Variants in CADPS2 observed in about 807,000 individuals in gnomAD.
CADPS2 encodes the protein calcium dependent secretion activator 2.
CADPS2 carries 93 observed loss-of-function variants against 172.5 expected under a neutral mutation model. The observed-to-expected ratio is 0.54, with a 90% CI of 0.46 to 0.64. CADPS2 has a LOEUF of 0.64. Ranked by LOEUF, CADPS2 falls within the 30% of genes least tolerant of loss-of-function variation. The pLI is 0.00. For missense variants in CADPS2, 1,420 were observed against 1,565.9 expected (o/e 0.91, Z 1.57); for synonymous variants, 546 against 555.2 (o/e 0.98, Z 0.23).
intron 2 of CADPS2, among the ~76,000 whole-genome samples, chr7:122,710,578 G>A (rs1564141680): frequency 2.0e-5 from 3 of 152,022 alleles, no homozygotes; most frequent in Admixed American, 6.6e-5. Flanking sequence ...TTTGTAAATC[G>A]CCAAGCACAC....
intron 8 of CADPS2, among the ~76,000 whole-genome samples, chr7:122,530,299 C>T (rs1432342246): frequency 6.7e-6 from 1 of 148,370 alleles, no homozygotes; most frequent in Admixed American, 6.7e-5. Flanking sequence ...AAGGTTTCCA[C>T]TTAGGCTTAA....
At chr7:122,607,724 A>G (rs2073766279) in intron 6 of CADPS2, among the ~76,000 whole-genome samples, 1 of 152,132 alleles carries the variant, frequency 6.6e-6, no homozygotes. Flanking sequence ...TTCTCAATGA[A>G]TGTAAATTTC....
chr7:122,387,848 A>G (rs1387848013), intron 23 of CADPS2, among the ~76,000 whole-genome samples: 2 of 149,644 alleles, frequency 1.3e-5, no homozygotes, highest in Non-Finnish European at 3.0e-5. Context: ...TTAAGGGGCC[A>G]CTGAACATTA....
At chr7:122,853,342 C>T (rs1814226579) in intron 1 of CADPS2, among the ~76,000 whole-genome samples, 1 of 152,188 alleles carries the variant, frequency 6.6e-6, no homozygotes. Flanking sequence ...CTCCATGGTT[C>T]CAATTACCCC....
At chr7:122,669,018 T>C (rs948833576) in intron 2 of CADPS2, among the ~76,000 whole-genome samples, 1 of 152,154 alleles carries the variant, frequency 6.6e-6, no homozygotes, top group Non-Finnish European at 1.5e-5. Context: ...ACAGAGCCTG[T>C]CCTTTAGTGA....
intron 1 of CADPS2, among the ~76,000 whole-genome samples, chr7:122,879,894 C>T (rs1342476796): frequency 6.6e-6 from 1 of 152,226 alleles, no homozygotes; most frequent in Admixed American, 6.5e-5. Flanking sequence ...AAAATAGAAG[C>T]TTTTCCTTAC....
At chr7:122,359,852 A>C (rs1443655911) in intron 27 of CADPS2, among the ~76,000 whole-genome samples, 1 of 152,182 alleles carries the variant, frequency 6.6e-6, no homozygotes, top group Non-Finnish European at 1.5e-5. Flanking sequence ...CTCATTTAAA[A>C]TACTCATTTA....
chr7:122,370,985 A>G (rs17463319), intron 25 of CADPS2, among the ~76,000 whole-genome samples: 36,020 of 152,016 alleles, frequency 0.24, 4,558 homozygotes, highest in African/African-American at 0.27. Context: ...ATTCCAGAAT[A>G]AAGGGCCCCA....
chr7:122,543,616 G>A (rs1026891737), intron 8 of CADPS2, among the ~76,000 whole-genome samples: 13 of 152,094 alleles, frequency 8.5e-5, no homozygotes, highest in African/African-American at 2.9e-4. Context: ...TAGGAGGGTG[G>A]ATGTTATAAT....
chr7:122,580,232 A>C (rs2068617773), intron 7 of CADPS2, among the ~76,000 whole-genome samples: 1 of 152,048 alleles, frequency 6.6e-6, no homozygotes, highest in South Asian at 2.1e-4. Context: ...AAGCGAGTGG[A>C]TCACTTGAGG....
At chr7:122,505,423 A>G (rs2059539551) in intron 9 of CADPS2, among the ~76,000 whole-genome samples, 1 of 152,224 alleles carries the variant, frequency 6.6e-6, no homozygotes, top group African/African-American at 2.4e-5. Context: ...AGGTACAACA[A>G]CAAAAATCAA....
At chr7:122,353,767 G>T (rs2038993099) in intron 27 of CADPS2, among the ~76,000 whole-genome samples, 2 of 152,290 alleles carry the variant, frequency 1.3e-5, no homozygotes, top group Middle Eastern at 3.4e-3. Flanking sequence ...CTGGCAAACA[G>T]TGGTGCAGCT....
intron 25 of CADPS2, among the ~76,000 whole-genome samples, chr7:122,365,648 C>G (rs1185282845): frequency 6.6e-6 from 1 of 152,050 alleles, no homozygotes; most frequent in African/African-American, 2.4e-5. Flanking sequence ...CTGAGGGTGT[C>G]GGGTTGGAAT....
chr7:122,382,537 T>A (rs945200231), intron 24 of CADPS2, among the ~76,000 whole-genome samples: 1 of 152,140 alleles, frequency 6.6e-6, no homozygotes, highest in African/African-American at 2.4e-5. Flanking sequence ...CAAAAAGAGA[T>A]CACAGGTAAA....
chr7:122,351,588 G>A (rs1449385433), intron 27 of CADPS2, among the ~76,000 whole-genome samples: 1 of 151,860 alleles, frequency 6.6e-6, no homozygotes, highest in Non-Finnish European at 1.5e-5. Context: ...TAGATTTAGA[G>A]CATGTAACAT....
At chr7:122,594,589 T>C (rs961375459) in intron 6 of CADPS2, among the ~76,000 whole-genome samples, 2 of 151,992 alleles carry the variant, frequency 1.3e-5, no homozygotes, top group African/African-American at 4.8e-5. Context: ...AGAAAAATCA[T>C]ATTACACTTG....
chr7:122,723,102 T>C (rs1483326033), intron 2 of CADPS2, among the ~76,000 whole-genome samples: 1 of 152,074 alleles, frequency 6.6e-6, no homozygotes, highest in African/African-American at 2.4e-5. Flanking sequence ...GGCAATACCA[T>C]TCAGGACATA....
chr7:122,737,067 A>G lies in CADPS2; in HGVS notation c.341T>C (p.Leu114Pro). 1 of 1,560,510 alleles carries G rather than the reference A, an allele frequency of 6.4e-7. No homozygotes were observed. Among genetic ancestry groups the G allele is most frequent in the Non-Finnish European group, 8.8e-7 (1 of 1,133,230 alleles). ...CAGTAACTGCAACTGTTGTTTGTTA[A>G]GCTACAAGAAAAAGAGAAAATAAGC... is the stretch of plus-strand genomic sequence containing the variant. The part of the protein sequence containing the change: ...PTDMARRQQK[L>P]NKQQLQLLKE... The change falls in exon 2 of 30, where the codon CTT (leucine) becomes CCT (proline). Residue 114 changes from leucine to proline, a missense_variant and splice_region_variant. By Grantham distance (98) the Leu-to-Pro change is moderately conservative (BLOSUM62 -3). Coordinates refer to ENST00000449022, the MANE Select transcript of CADPS2 (RefSeq NM_017954.11).
At chr7:122,764,403 T>C (rs2093483277) in intron 1 of CADPS2, among the ~76,000 whole-genome samples, 1 of 152,188 alleles carries the variant, frequency 6.6e-6, no homozygotes, top group African/African-American at 2.4e-5. Flanking sequence ...AATAGATTTG[T>C]TCATTAATTT....
Sources: gnomAD v4.1 joint callset for allele counts (sites outside exome capture counted in the v4.1 genomes callset) on GRCh38, gnomAD v4.1.1 for gene constraint, MANE v1.5 for transcripts, NCBI Gene and HGNC (gene_info 2026-07-23, HGNC 2026-07-21) for gene names.